Variants in NTRK3 observed in about 807,000 individuals in gnomAD.
NTRK3 encodes the protein NT-3 growth factor receptor.
Under a neutral mutation model 91.7 loss-of-function variants are expected in NTRK3, and 24 were observed. The ratio of observed to expected loss-of-function variants is 0.26; its 90% CI spans 0.19 to 0.37. The LOEUF is 0.37. Ranked by LOEUF, NTRK3 falls within the 10% of genes least tolerant of loss-of-function variation. NTRK3 has a pLI of 1.00. For synonymous variants in NTRK3, 483 were observed against 404.0 expected (o/e 1.20, Z -2.34); for missense variants, 880 against 1,068.9 (o/e 0.82, Z 2.46).
At chr15:88,058,118 A>G (rs936767107) in intron 13 of NTRK3, among the ~76,000 whole-genome samples, 1 of 152,244 alleles carries the variant, frequency 6.6e-6, no homozygotes, top group Non-Finnish European at 1.5e-5. Context: ...AGCAGATGGC[A>G]GGAAGCACAG....
intron 13 of NTRK3, among the ~76,000 whole-genome samples, chr15:88,057,225 A>G (rs2045793290): frequency 6.7e-6 from 1 of 148,332 alleles, no homozygotes; most frequent in Non-Finnish European, 1.5e-5. Context: ...GGCTGGGTGC[A>G]GTGGCTCACA....
At chr15:88,122,255 G>A (rs2052796655) in intron 13 of NTRK3, among the ~76,000 whole-genome samples, 1 of 152,212 alleles carries the variant, frequency 6.6e-6, no homozygotes, top group Non-Finnish European at 1.5e-5. Context: ...CATATAGGTA[G>A]AAGTATGAAA....
chr15:88,163,925 T>C (rs2044695830), intron 5 of NTRK3, among the ~76,000 whole-genome samples: 1 of 152,212 alleles, frequency 6.6e-6, no homozygotes, highest in Non-Finnish European at 1.5e-5. Context: ...TTTACAGCAG[T>C]GAACAAAAGA....
intron 17 of NTRK3, among the ~76,000 whole-genome samples, chr15:87,890,878 G>A (rs1027487036): frequency 3.9e-5 from 6 of 152,082 alleles, no homozygotes; most frequent in African/African-American, 1.4e-4. Flanking sequence ...TCGTTGGAGT[G>A]CTCATCTCTA....
intron 5 of NTRK3, among the ~76,000 whole-genome samples, chr15:88,179,625 G>C (rs1375069002): frequency 7.9e-5 from 12 of 152,210 alleles, no homozygotes; most frequent in Admixed American, 7.9e-4. Flanking sequence ...AGCCATGCCA[G>C]AGAAAACACA....
intron 13 of NTRK3, among the ~76,000 whole-genome samples, chr15:88,106,048 T>G (rs1282718562): frequency 6.6e-6 from 1 of 152,262 alleles, no homozygotes; most frequent in African/African-American, 2.4e-5. Flanking sequence ...GGTGTGTATG[T>G]GTGCGTATGT....
exon 19 of NTRK3, chr15:87,874,338 A>T (rs190141489): frequency 1.2e-5 from 1 of 83,156 alleles, no homozygotes; most frequent in East Asian, 1.8e-4. Context: ...CACAGTAAGA[A>T]CATGACCCCA....
chr15:87,865,456 C>A (rs373706879), exon 19 of NTRK3: 32 of 214,344 alleles, frequency 1.5e-4, no homozygotes, highest in Non-Finnish European at 2.4e-4. Flanking sequence ...CCCACTCACA[C>A]GTATTTTTGT....
chr15:88,101,089 A>T (rs1381300626), intron 13 of NTRK3, among the ~76,000 whole-genome samples: 1 of 152,068 alleles, frequency 6.6e-6, no homozygotes, highest in Non-Finnish European at 1.5e-5. Context: ...AACTTACAGA[A>T]TGGGAGAAAA....
intron 3 of NTRK3, among the ~76,000 whole-genome samples, chr15:88,194,721 C>T (rs1214724218): frequency 1.3e-5 from 2 of 152,146 alleles, no homozygotes; most frequent in Admixed American, 6.5e-5. Flanking sequence ...AACAAAAAAC[C>T]TCTAGTGGCT....
At position 87,940,767 on chromosome 15, in the gene NTRK3, A is replaced by T. The variant is rs368970686; in HGVS notation, c.1586-14T>A. On this transcript the variant is annotated splice_polypyrimidine_tract_variant and intron_variant, in intron 14 of 18. Coordinates refer to ENST00000394480, the Ensembl canonical transcript of NTRK3. The stretch of plus-strand genomic sequence containing the variant: ...TGTGCTGCACATCTGTAGGATGGGG[A>T]CAAAGAGGAGGGCAGCAAATCAGTC... The T allele has an allele frequency of 6.2e-7, 1 of 1,614,104 alleles. No homozygotes were observed.
chr15:87,932,863 G>A (rs2068927878), intron 16 of NTRK3, 149 bp downstream of exon 16: 7 of 831,790 alleles, frequency 8.4e-6, no homozygotes, highest in Admixed American at 4.0e-5. Context: ...CTGCTAAGGA[G>A]ATCATGTATA....
Position 88,240,957 on chromosome 15 carries a change from G to T in NTRK3, c.248+14949C>A, listed in dbSNP as rs1043340809. On this transcript the variant is annotated intron_variant, in intron 3 of 18. Coordinates refer to ENST00000394480, the Ensembl canonical transcript of NTRK3. This position sits in a 1 kb window ranked among gnomAD's most constrained non-coding sequence, Gnocchi z 4.9. ...GGCATGTGTGCCCTCAGCAAGCTGGGAGGGTTGCTGTGGGCCTGGGGGACA... is the reference window on the plus strand; with the variant it reads ...GGCATGTGTGCCCTCAGCAAGCTGGTAGGGTTGCTGTGGGCCTGGGGGACA... Among the ~76,000 whole-genome samples the T allele has an allele frequency of 6.6e-6, 1 of 152,202 alleles. No individual in the cohort carries two copies. The highest frequency in any genetic ancestry group is 1.5e-5 in the Non-Finnish European group (1 of 68,038).
chr15:88,037,779 A>T (rs965309631), intron 13 of NTRK3, among the ~76,000 whole-genome samples: 4 of 152,208 alleles, frequency 2.6e-5, no homozygotes, highest in African/African-American at 9.7e-5. Context: ...GATTGTAATA[A>T]TTTTTATTAT....
chr15:88,245,304 T>A (rs2052713681), intron 3 of NTRK3, among the ~76,000 whole-genome samples: 1 of 152,176 alleles, frequency 6.6e-6, no homozygotes, highest in Admixed American at 6.5e-5. Context: ...CCTACCATAA[T>A]CTCATTCAAC....
intron 17 of NTRK3, among the ~76,000 whole-genome samples, chr15:87,910,601 C>A (rs2067032151): frequency 6.6e-6 from 1 of 152,054 alleles, no homozygotes; most frequent in South Asian, 2.1e-4. Flanking sequence ...CAAACAGATT[C>A]TGTGTAAAAG....
chr15:87,960,488 A>AT (rs2072156482), intron 14 of NTRK3, among the ~76,000 whole-genome samples: 1 of 146,042 alleles, frequency 6.8e-6, no homozygotes, highest in Non-Finnish European at 1.5e-5. Context: ...GCTTCCCCCC[A>AT]TCCTTTTTTT....
intron 14 of NTRK3, among the ~76,000 whole-genome samples, chr15:88,006,373 G>A (rs1389358267): frequency 6.6e-6 from 1 of 152,210 alleles, no homozygotes; most frequent in African/African-American, 2.4e-5. Flanking sequence ...TTTCAGATTA[G>A]CAGTGGAGGC....
At chr15:88,096,421 C>T (rs765712410) in intron 13 of NTRK3, among the ~76,000 whole-genome samples, 3 of 152,118 alleles carry the variant, frequency 2.0e-5, no homozygotes, top group Admixed American at 6.5e-5. Context: ...TGGAGAAGAC[C>T]CTACTTCACC....
Sources: gnomAD v4.1 joint callset for allele counts (sites outside exome capture counted in the v4.1 genomes callset) on GRCh38, gnomAD v4.1.1 for gene constraint, Gnocchi (gnomAD v3.1) non-coding constraint, MANE v1.5 for transcripts, NCBI Gene and HGNC (gene_info 2026-07-23, HGNC 2026-07-21) for gene names.